YAP1: variants seen among roughly 807,000 people sequenced by gnomAD.
The protein encoded by YAP1 is Yes1 associated transcriptional regulator, also known as transcriptional coactivator YAP1.
Under a neutral mutation model 56.9 loss-of-function variants are expected in YAP1, and 5 were observed. The ratio of observed to expected loss-of-function variants is 0.09; its 90% CI spans 0.05 to 0.18. The LOEUF is 0.18. Among genes scored for constraint, YAP1 ranks in the 10% least tolerant of loss-of-function variants. YAP1 has a pLI of 1.00. For synonymous variants in YAP1, 265 were observed against 248.1 expected (o/e 1.07, Z -0.64); for missense variants, 539 against 651.8 (o/e 0.83, Z 1.88).
chr11:102,176,416 G>T (rs1283320337), intron 3 of YAP1, among the ~76,000 whole-genome samples: 7 of 152,124 alleles, frequency 4.6e-5, no homozygotes, highest in Non-Finnish European at 2.9e-5. Context: ...TAGTGGGACA[G>T]ATTGGAGAAA....
chr11:102,117,210 T>C (rs1393551624), intron 2 of YAP1, among the ~76,000 whole-genome samples: 2 of 152,204 alleles, frequency 1.3e-5, no homozygotes, highest in African/African-American at 4.8e-5. Context: ...GTTTTGATGT[T>C]TTAAAATAGG....
At chr11:102,188,170 T>C (rs1948083548) in intron 4 of YAP1, among the ~76,000 whole-genome samples, 2 of 152,242 alleles carry the variant, frequency 1.3e-5, no homozygotes, top group South Asian at 2.1e-4. Flanking sequence ...CAAAGAAATA[T>C]AAACTATCCC....
At position 102,149,977 on chromosome 11, in the gene YAP1, C is replaced by CTTT. The variant is rs386374692; in HGVS notation, c.573-12454_573-12452dup. On this transcript the variant is annotated intron_variant, in intron 2 of 8. Transcript: ENST00000282441. ...TAAAAAAGAGATTTTGAGTAGTGTGCTTTTTTTTTTTTTTTTTTTTTTTTT... is the reference window on the plus strand; with the variant it reads ...TAAAAAAGAGATTTTGAGTAGTGTGCTTTTTTTTTTTTTTTTTTTTTTTTTTTT... 3.9e-3 allele frequency among the ~76,000 whole-genome samples: 194 copies of CTTT among 50,336 alleles called. 39 individuals are homozygous for CTTT. The highest frequency in any genetic ancestry group is 0.013 in the African/African-American group (181 of 13,428). 33.0% of individuals were successfully genotyped at this position (50,336 alleles called of 152,430 possible).
chr11:102,220,243 A>G (rs1263752169), intron 6 of YAP1, among the ~76,000 whole-genome samples: 2 of 152,052 alleles, frequency 1.3e-5, no homozygotes, highest in African/African-American at 2.4e-5. Flanking sequence ...ACTTCCCTGA[A>G]TAGGGGCTTG....
chr11:102,203,589 A>T (rs190867110), intron 4 of YAP1, among the ~76,000 whole-genome samples: 1 of 152,344 alleles, frequency 6.6e-6, no homozygotes, highest in East Asian at 1.9e-4. Context: ...GCCATGTATT[A>T]ACAATTGGGA....
chr11:102,233,243 C>A lies in YAP1; in HGVS notation c.*3303C>A, dbSNP rs757468541. On this transcript the variant is annotated 3_prime_UTR_variant, in exon 9 of 9. Transcript: ENST00000282441. ...TTTAAATGTTTTATATTAGAGAATT[C>A]TTTAATGCACACTTGTCAAATATAT... 6.6e-6 allele frequency: 1 copy of A among 152,086 alleles called. No individual in the cohort carries two copies. Among genetic ancestry groups the A allele is most frequent in the Non-Finnish European group, 1.5e-5 (1 of 68,016 alleles). 9.4% of individuals were successfully genotyped at this position (152,086 alleles called of 1,614,324 possible).
intron 6 of YAP1, among the ~76,000 whole-genome samples, chr11:102,212,398 G>GA (rs1030590059): frequency 1.3e-5 from 2 of 152,046 alleles, no homozygotes; most frequent in Admixed American, 1.3e-4. Context: ...TGAGGTTAAT[G>GA]AAAAATTCCA....
chr11:102,122,471 A>G (rs959252648), intron 2 of YAP1, among the ~76,000 whole-genome samples: 1 of 152,096 alleles, frequency 6.6e-6, no homozygotes, highest in Non-Finnish European at 1.5e-5. Context: ...ACCAGATTCT[A>G]CCAGTGAGAG....
Position 102,231,857 on chromosome 11 carries a change from A to G in YAP1, c.*1917A>G, listed in dbSNP as rs927327638. 2 of 152,608 alleles carry G rather than the reference A, an allele frequency of 1.3e-5. No individual in the cohort carries two copies. Among genetic ancestry groups the G allele is most frequent in the Admixed American group, 6.5e-5 (1 of 15,270 alleles). The allele number at this position is 152,608 out of a possible 1,614,324, so 9.5% of individuals were successfully genotyped here. On this transcript the variant is annotated 3_prime_UTR_variant, in exon 9 of 9. Transcript: ENST00000282441. ...TTTTTTCCCCCCAATTACAAAATCT[A>G]AGTATTTTGGCCCTTCAATTTGGAG... is the stretch of plus-strand genomic sequence containing the variant.
At chr11:102,132,542 C>A (rs1944424704) in intron 2 of YAP1, among the ~76,000 whole-genome samples, 1 of 152,218 alleles carries the variant, frequency 6.6e-6, no homozygotes, top group Non-Finnish European at 1.5e-5. Context: ...ATTACACAAA[C>A]ATTGTTAACT....
intron 2 of YAP1, among the ~76,000 whole-genome samples, chr11:102,124,634 T>C (rs1943915585): frequency 6.6e-6 from 1 of 152,220 alleles, no homozygotes; most frequent in Non-Finnish European, 1.5e-5. Flanking sequence ...AATTTTCTTA[T>C]CTTATCCCAC....
rs542184574 is a variant in YAP1 at position 102,230,081 on chromosome 11, A to G, written c.*141A>G. On this transcript the variant is annotated 3_prime_UTR_variant, in exon 9 of 9. Coordinates refer to ENST00000282441, the MANE Select transcript of YAP1 (RefSeq NM_001130145.3). ...GTCCAGCAAGATACTTTAATCCTCT[A>G]TTTTGCTCTTCCTTGTCCATTGCTG... 1.8e-5 allele frequency: 13 copies of G among 719,736 alleles called. No homozygotes were observed. The highest frequency in any genetic ancestry group is 7.7e-4 in the Middle Eastern group (2 of 2,594). The allele number at this position is 719,736 out of a possible 1,614,324, so 44.6% of individuals were successfully genotyped here. A position where few individuals can be genotyped will look rare whatever the true frequency, so the allele number is the denominator to read the frequency against.
At chr11:102,173,801 A>T (rs1947065333) in intron 3 of YAP1, among the ~76,000 whole-genome samples, 1 of 152,262 alleles carries the variant, frequency 6.6e-6, no homozygotes, top group Non-Finnish European at 1.5e-5. Context: ...AACTAAAGTC[A>T]TATGAATTTT....
intron 2 of YAP1, among the ~76,000 whole-genome samples, chr11:102,153,529 A>T (rs1281648469): frequency 6.6e-6 from 1 of 152,144 alleles, no homozygotes; most frequent in Non-Finnish European, 1.5e-5. Flanking sequence ...AGTATCAGTT[A>T]TTTTCTATGT....
chr11:102,163,059 C>G (rs1946390154), intron 3 of YAP1, among the ~76,000 whole-genome samples: 1 of 148,766 alleles, frequency 6.7e-6, no homozygotes, highest in Non-Finnish European at 1.5e-5. Context: ...CTGAAAATAT[C>G]TGGAAGGCAG....
intron 3 of YAP1, among the ~76,000 whole-genome samples, chr11:102,184,728 A>G (rs1206406387): frequency 6.6e-6 from 1 of 152,214 alleles, no homozygotes; most frequent in Non-Finnish European, 1.5e-5. Context: ...TGGACTGCCA[A>G]TACAGGAAGA....
chr11:102,154,710 A>T (rs1945844409), intron 2 of YAP1, among the ~76,000 whole-genome samples: 1 of 152,158 alleles, frequency 6.6e-6, no homozygotes, highest in Non-Finnish European at 1.5e-5. Context: ...TCACTAATTT[A>T]TTATTATCAC....
chr11:102,214,039 T>C (rs1227869363), intron 6 of YAP1, among the ~76,000 whole-genome samples: 1 of 152,192 alleles, frequency 6.6e-6, no homozygotes. Context: ...ATCATGCCAC[T>C]ACACTCCAGC....
chr11:102,160,974 T>C (rs1477655906), intron 2 of YAP1, among the ~76,000 whole-genome samples: 1 of 152,066 alleles, frequency 6.6e-6, no homozygotes, highest in Non-Finnish European at 1.5e-5. Context: ...TAAATTTGTC[T>C]GCTTCTTTAC....
Sources: gnomAD v4.1 joint callset for allele counts (sites outside exome capture counted in the v4.1 genomes callset) on GRCh38, gnomAD v4.1.1 for gene constraint, MANE v1.5 for transcripts, NCBI Gene and HGNC (gene_info 2026-07-23, HGNC 2026-07-21) for gene names.